The following SERGEF variants were observed in gnomAD, a reference collection of about 807,000 sequenced individuals.
SERGEF encodes the protein secretion regulating guanine nucleotide exchange factor.
A neutral mutation model predicts 50.0 loss-of-function variants in SERGEF; 51 were observed. The ratio of observed to expected loss-of-function variants is 1.02; its 90% CI spans 0.81 to 1.29. SERGEF has a LOEUF of 1.29. SERGEF is among the 50% of genes most tolerant of loss of function. SERGEF has a pLI of 0.00. For missense variants in SERGEF, 521 were observed against 557.0 expected, an observed-to-expected ratio of 0.94 and a Z score of 0.65; for synonymous variants, 205 against 212.4, an observed-to-expected ratio of 0.97 and a Z score of 0.30.
intron 8 of SERGEF, among the ~76,000 whole-genome samples, chr11:17,979,959 A>T (rs1048944911): frequency 6.6e-6 from 1 of 152,194 alleles, no homozygotes; most frequent in African/African-American, 2.4e-5. Flanking sequence ...CTAGTGGTTC[A>T]GTGCTGTCAT....
intron 10 of SERGEF, among the ~76,000 whole-genome samples, chr11:17,802,943 T>C (rs1014724837): frequency 2.0e-5 from 3 of 152,276 alleles, no homozygotes; most frequent in African/African-American, 7.2e-5. Flanking sequence ...CATTTCATTT[T>C]ATTCAACTGC....
intron 10 of SERGEF, among the ~76,000 whole-genome samples, chr11:17,803,734 G>C (rs1849710625): frequency 6.6e-6 from 1 of 152,130 alleles, no homozygotes; most frequent in Non-Finnish European, 1.5e-5. Context: ...CTTGAGGCCA[G>C]CTATTAGTGA....
intron 8 of SERGEF, among the ~76,000 whole-genome samples, chr11:17,982,975 T>A (rs1044442387): frequency 6.6e-6 from 1 of 152,190 alleles, no homozygotes; most frequent in African/African-American, 2.4e-5. Context: ...TTGGTTTCAG[T>A]TTTTTCATTT....
chr11:17,926,880 A>C (rs929882418), intron 9 of SERGEF: 5 of 455,974 alleles, frequency 1.1e-5, no homozygotes, highest in Non-Finnish European at 2.2e-5. Context: ...AAATATTTAT[A>C]GAATGAAAAG....
Position 17,902,229 on chromosome 11 carries a change from T to C in SERGEF, c.1012-23985A>G, listed in dbSNP as rs139680369. Among the ~76,000 whole-genome samples the C allele has an allele frequency of 7.6e-4, 116 of 151,946 alleles. 3 individuals are homozygous for C. In the Middle Eastern group the frequency reaches 0.017, roughly 22 times the overall value. On this transcript the variant is annotated intron_variant, in intron 9 of 10. Coordinates refer to ENST00000265965, the MANE Select transcript of SERGEF (RefSeq NM_012139.4). Reference sequence around the variant, plus strand: ...ACCTATATGGGAATTGAAGGTTTGATTGATGAAAGAGCTATAACGTTTGGC... The same window carrying C: ...ACCTATATGGGAATTGAAGGTTTGACTGATGAAAGAGCTATAACGTTTGGC...
intron 9 of SERGEF, among the ~76,000 whole-genome samples, chr11:17,922,827 T>C (rs1015328547): frequency 6.6e-6 from 1 of 152,228 alleles, no homozygotes; most frequent in Admixed American, 6.5e-5. Flanking sequence ...AAGGGAGCTA[T>C]TTACATTTTG....
chr11:17,820,734 ATTAAG>A (rs773748470), intron 10 of SERGEF, among the ~76,000 whole-genome samples: 21 of 152,328 alleles, frequency 1.4e-4, no homozygotes, highest in African/African-American at 3.4e-4. Context: ...TGCACATATA[ATTAAG>A]TTAAGGATTT....
intron 9 of SERGEF, among the ~76,000 whole-genome samples, chr11:17,938,910 T>C (rs1443826053): frequency 1.3e-5 from 2 of 152,122 alleles, no homozygotes; most frequent in Admixed American, 1.3e-4. Flanking sequence ...AAATGGGTGT[T>C]AGAAAAAAAT....
chr11:17,803,665 G>A (rs989186763), intron 10 of SERGEF, among the ~76,000 whole-genome samples: 3 of 152,144 alleles, frequency 2.0e-5, no homozygotes, highest in Admixed American at 6.5e-5. Flanking sequence ...CTCTGCTGTT[G>A]GGATTGCCCA....
Position 17,878,189 on chromosome 11 carries a change from C to A in SERGEF, c.1048+19G>T. The A allele has an allele frequency of 6.5e-7, 1 of 1,538,312 alleles. No homozygotes were observed. The highest frequency in any genetic ancestry group is 1.7e-5 in the Admixed American group (1 of 57,552). On this transcript the variant is annotated intron_variant, in intron 10 of 10. Coordinates refer to ENST00000265965, the MANE Select transcript of SERGEF (RefSeq NM_012139.4). ...CATGATTTTCAGAAGAAACAGTTAT[C>A]AGTATAAAAATTACTTACCAATTAT... is the stretch of plus-strand genomic sequence containing the variant.
chr11:17,963,364 TAAAAAAAAAAAAAAAAAAA>T (rs1174880141), intron 8 of SERGEF, among the ~76,000 whole-genome samples: 1 of 49,882 alleles, frequency 2.0e-5, no homozygotes, highest in African/African-American at 7.7e-5. Flanking sequence ...TTACTATTAG[TAAAAAAAAAAAAAAAAAAA>T]AAAAAAAAAA....
At chr11:17,979,028 C>T (rs893956160) in intron 8 of SERGEF, among the ~76,000 whole-genome samples, 9 of 152,320 alleles carry the variant, frequency 5.9e-5, no homozygotes, top group East Asian at 1.9e-4. Context: ...ATAATGATAA[C>T]GCTTCATCTC....
intron 10 of SERGEF, among the ~76,000 whole-genome samples, chr11:17,812,962 A>G (rs945471501): frequency 2.6e-5 from 4 of 152,156 alleles, no homozygotes; most frequent in African/African-American, 9.7e-5. Context: ...CCTCTCCGAC[A>G]TCAGATCTGC....
intron 10 of SERGEF, among the ~76,000 whole-genome samples, chr11:17,800,190 G>A (rs757271096): frequency 6.6e-6 from 1 of 152,042 alleles, no homozygotes; most frequent in Non-Finnish European, 1.5e-5. Flanking sequence ...AAGAGAAAAT[G>A]TAGGTTCATA....
chr11:17,978,132 C>T (rs1351626807), intron 8 of SERGEF, among the ~76,000 whole-genome samples: 2 of 152,148 alleles, frequency 1.3e-5, no homozygotes, highest in African/African-American at 4.8e-5. Flanking sequence ...CAATCCTCAC[C>T]TAGAATGAAG....
At chr11:17,834,265 A>C (rs1390507763) in intron 10 of SERGEF, among the ~76,000 whole-genome samples, 4 of 152,164 alleles carry the variant, frequency 2.6e-5, no homozygotes, top group Non-Finnish European at 1.5e-5. Context: ...TTGCCTGTCT[A>C]CCACCCACGT....
chr11:17,850,738 C>CAGAGT (rs1850696251), intron 10 of SERGEF, among the ~76,000 whole-genome samples: 2 of 152,184 alleles, frequency 1.3e-5, no homozygotes, highest in Admixed American at 6.5e-5. Flanking sequence ...GATATTTTCC[C>CAGAGT]ACTCTATCAC....
chr11:18,000,367 TGG>T lies in SERGEF; in HGVS notation c.508+128_508+129del, dbSNP rs1399343805. ...AGGAGGCTGAGGCAGTTAGACAGCT[TGG>T]GCTCAGGAGTTCAAGGCTACAGCAA... On this transcript the variant is annotated intron_variant, in intron 5 of 10. Coordinates refer to ENST00000265965, the MANE Select transcript of SERGEF (RefSeq NM_012139.4). The T allele has an allele frequency of 9.7e-6, 6 of 615,414 alleles. No homozygotes were observed. In the African/African-American group the frequency reaches 1.2e-4, roughly 12 times the overall value. 38.1% of individuals were successfully genotyped at this position (615,414 alleles called of 1,614,324 possible). A position where few individuals can be genotyped will look rare whatever the true frequency, so the allele number is the denominator to read the frequency against.
chr11:18,009,510 C>A (rs1434478704), intron 1 of SERGEF, among the ~76,000 whole-genome samples: 1 of 152,174 alleles, frequency 6.6e-6, no homozygotes, highest in Admixed American at 6.5e-5. Flanking sequence ...TCCCCACACC[C>A]ATGATGGGAA....
Sources: gnomAD v4.1 joint callset for allele counts (sites outside exome capture counted in the v4.1 genomes callset) on GRCh38, gnomAD v4.1.1 for gene constraint, MANE v1.5 for transcripts, NCBI Gene and HGNC (gene_info 2026-07-23, HGNC 2026-07-21) for gene names.